ANKRD50: variants seen among roughly 807,000 people sequenced by gnomAD.
ANKRD50 encodes the protein ankyrin repeat domain 50.
Under a neutral mutation model 112.0 loss-of-function variants are expected in ANKRD50, and 40 were observed. The observed-to-expected ratio is 0.36, with a 90% CI of 0.28 to 0.46. ANKRD50 has a LOEUF of 0.46. Among genes scored for constraint, ANKRD50 ranks in the 20% least tolerant of loss-of-function variants. ANKRD50 has a pLI of 1.00. For missense variants in ANKRD50, 1,487 were observed against 1,701.7 expected (o/e 0.87, Z 2.22); for synonymous variants, 613 against 619.1 (o/e 0.99, Z 0.15).
Position 124,671,349 on chromosome 4 carries a change from T to C in ANKRD50, c.1928A>G (p.Asp643Gly). ...AGVKVDCADA[D>G]SRTALRAAAW... ...TGCTGCTCTCAAAGCTGTTCGGCTA[T>C]CAGCATCTGCACAATCCACTTTTAC... Residue 643 changes from aspartate to glycine, a missense_variant, in exon 4 of 5, where the codon GAT (aspartate) becomes GGT (glycine). By Grantham distance (94) the Asp-to-Gly change is moderately conservative (BLOSUM62 -1). Transcript: ENST00000504087. 1.9e-6 allele frequency: 3 copies of C among 1,613,860 alleles called. No homozygotes were observed. The highest frequency in any genetic ancestry group is 1.1e-5 in the South Asian group (1 of 91,082).
In ANKRD50 at chr4:124,666,337, G is replaced by A. The variant is rs1334695453; in HGVS notation, c.*1181C>T. The stretch of plus-strand genomic sequence containing the variant: ...AAGAAGAAAACAGGAAAGAGTATGA[G>A]GATAGAAAAGTGCAAATCCATCACT... On this transcript the variant is annotated 3_prime_UTR_variant, in exon 5 of 5. Transcript: ENST00000504087. The A allele has an allele frequency of 6.6e-6, 1 of 152,354 alleles. No individual in the cohort carries two copies. Among genetic ancestry groups the A allele is most frequent in the Non-Finnish European group, 1.5e-5 (1 of 67,906 alleles). 9.4% of individuals were successfully genotyped at this position (152,354 alleles called of 1,614,324 possible).
At position 124,666,537 on chromosome 4, in the gene ANKRD50, A is replaced by G. The variant is rs892324725; in HGVS notation, c.*981T>C. On this transcript the variant is annotated 3_prime_UTR_variant, in exon 5 of 5. Transcript: ENST00000504087. ...GTCATGCAGCAATTTACAAAATAGA[A>G]ACCGCTGAGAGAGAAGCCAGCAAAA... 1 of 152,358 alleles carries G rather than the reference A, an allele frequency of 6.6e-6. No homozygotes were observed. Among genetic ancestry groups the G allele is most frequent in the African/African-American group, 2.4e-5 (1 of 41,424 alleles). The allele number at this position is 152,358 out of a possible 1,614,324, so 9.4% of individuals were successfully genotyped here. A position where few individuals can be genotyped will look rare whatever the true frequency, so the allele number is the denominator to read the frequency against.
intron 2 of ANKRD50, among the ~76,000 whole-genome samples, chr4:124,698,020 T>A (rs929435000): frequency 9.2e-5 from 14 of 152,186 alleles, no homozygotes; most frequent in African/African-American, 3.1e-4. Context: ...CAGAATTTTT[T>A]GAAGCATTTG....
At chr4:124,680,032 C>T (rs1001678853) in intron 2 of ANKRD50, among the ~76,000 whole-genome samples, 4 of 152,262 alleles carry the variant, frequency 2.6e-5, no homozygotes, top group African/African-American at 2.4e-5. Context: ...ATGCACTTCC[C>T]GTCTCTCTTC....
Position 124,671,982 on chromosome 4 carries a change from C to G in ANKRD50, c.1295G>C (p.Gly432Ala). ...ATAACTCATAGCCAACATTCTGTGT[C>G]CTTCTGCTGCATTACATAAATACTT... ...TQKYLCNAAE[G>A]HRMLAMSYTC... The change falls in exon 4 of 5, where the codon GGA becomes GCA. Residue 432 changes from glycine to alanine, a missense_variant. By Grantham distance (60) the Gly-to-Ala change is moderately conservative. This residue lies in a region of ANKRD50 where 1,046 missense variants were observed against 1,269.5 expected (regional missense o/e 0.82). Transcript: ENST00000504087. 1 of 1,613,920 alleles carries G rather than the reference C, an allele frequency of 6.2e-7. No individual in the cohort carries two copies. The highest frequency in any genetic ancestry group is 8.5e-7 in the Non-Finnish European group (1 of 1,179,872).
chr4:124,695,057 C>T (rs996386748), intron 2 of ANKRD50, among the ~76,000 whole-genome samples: 2 of 151,904 alleles, frequency 1.3e-5, no homozygotes, highest in Non-Finnish European at 2.9e-5. Flanking sequence ...AACAAAGGTA[C>T]ATATCCAATA....
chr4:124,679,942 G>A (rs554219053), intron 2 of ANKRD50, among the ~76,000 whole-genome samples: 2 of 152,236 alleles, frequency 1.3e-5, no homozygotes, highest in East Asian at 3.9e-4. Context: ...TGTTATTCCA[G>A]CCAGACTAGC....
chr4:124,687,382 T>A (rs1725031880), intron 2 of ANKRD50, among the ~76,000 whole-genome samples: 1 of 152,048 alleles, frequency 6.6e-6, no homozygotes, highest in African/African-American at 2.4e-5. Flanking sequence ...CCCACAAAAA[T>A]TTACTCAACA....
At chr4:124,695,477 G>A (rs994937104) in intron 2 of ANKRD50, among the ~76,000 whole-genome samples, 2 of 152,252 alleles carry the variant, frequency 1.3e-5, no homozygotes, top group South Asian at 2.1e-4. Flanking sequence ...TCCTGAACAC[G>A]AGGCTGAATT....
intron 4 of ANKRD50, 43 bp downstream of exon 4, chr4:124,668,941 A>G (rs762821800): frequency 3.3e-6 from 5 of 1,497,270 alleles, no homozygotes; most frequent in Non-Finnish European, 4.5e-6. Flanking sequence ...AGTAGAGGGA[A>G]CTCTACTTTT....
In ANKRD50 at chr4:124,710,213, T is replaced by C; in HGVS notation, c.299A>G (p.Gln100Arg). The C allele has an allele frequency of 6.2e-7, 1 of 1,614,204 alleles. No individual in the cohort carries two copies. The highest frequency in any genetic ancestry group is 8.5e-7 in the Non-Finnish European group (1 of 1,180,036). Residue 100 changes from glutamine (Q) to arginine (R), a missense_variant, in exon 2 of 5, where the codon CAG becomes CGG. Gln to Arg is a conservative substitution (Grantham distance 43, BLOSUM62 1). This residue lies in a region of ANKRD50 where 1,046 missense variants were observed against 1,269.5 expected (regional missense o/e 0.82). Transcript: ENST00000504087. ...LLWPSSPASL[Q>R]RGLHRQALAF... is the part of the protein sequence containing the mutation. Reference sequence around the variant, plus strand: ...CAAAGCTTGGCGATGTAAACCTCTCTGCAAACTTGCAGGTGAACTTGGCCA... The same window carrying C: ...CAAAGCTTGGCGATGTAAACCTCTCCGCAAACTTGCAGGTGAACTTGGCCA...
rs150754365 is a variant in ANKRD50, at chr4:124,671,642, C to T, written c.1635G>A (p.Gly545=). Residue 545 remains glycine (G), a synonymous_variant, in exon 4 of 5, where the codon GGG becomes GGA. Coordinates refer to ENST00000504087, the MANE Select transcript of ANKRD50 (RefSeq NM_020337.3). ...GASVNQCDSN[G]RTLLANAAYS... ...ATGCAGCATTAGCCAATAATGTTCT[C>T]CCATTTGAATCACACTGATTTACTG... 1 of 1,613,816 alleles carries T rather than the reference C, an allele frequency of 6.2e-7. No homozygotes were observed. Among genetic ancestry groups the T allele is most frequent in the Non-Finnish European group, 8.5e-7 (1 of 1,179,848 alleles).
rs1489866018 is a variant in ANKRD50 at position 124,671,619 on chromosome 4, G to A, written c.1658C>T (p.Ala553Val). 2 of 1,613,836 alleles carry A rather than the reference G, an allele frequency of 1.2e-6. No individual in the cohort carries two copies. Among genetic ancestry groups the A allele is most frequent in the South Asian group, 2.2e-5 (2 of 91,084 alleles). The change falls in exon 4 of 5, where the codon GCA becomes GTA. Residue 553 changes from alanine (A) to valine (V), a missense_variant. Physicochemically the swap from Ala to Val is moderately conservative, Grantham distance 64. Coordinates refer to ENST00000504087, the MANE Select transcript of ANKRD50 (RefSeq NM_020337.3). The part of the protein sequence containing the change: ...SNGRTLLANA[A>V]YSGSLDVVNL... ...GACTACATCAAGACTGCCACTATAT[G>A]CAGCATTAGCCAATAATGTTCTCCC...
Position 124,665,966 on chromosome 4 carries a change from T to C in ANKRD50, c.*1552A>G, listed in dbSNP as rs911608049. ...AGATGACATTACTGACCTTTGTTAT[T>C]AGGACATATTCTAAAGATTTTGTTC... is the stretch of plus-strand genomic sequence containing the variant. On this transcript the variant is annotated 3_prime_UTR_variant, in exon 5 of 5. Transcript: ENST00000504087. 2.0e-5 allele frequency: 3 copies of C among 152,048 alleles called. No homozygotes were observed. Among genetic ancestry groups the C allele is most frequent in the African/African-American group, 7.2e-5 (3 of 41,446 alleles). 9.4% of individuals were successfully genotyped at this position (152,048 alleles called of 1,614,324 possible).
intron 2 of ANKRD50, among the ~76,000 whole-genome samples, chr4:124,708,114 C>T (rs1393283252): frequency 6.6e-6 from 1 of 152,048 alleles, no homozygotes. Context: ...AATTACTTAT[C>T]ACAAAGAAAT....
chr4:124,710,010 C>T lies in ANKRD50; in HGVS notation c.502G>A (p.Ala168Thr), dbSNP rs764057462. Residue 168 changes from alanine to threonine, a missense_variant, in exon 2 of 5, where the codon GCA becomes ACA. Physicochemically the swap from Ala to Thr is moderately conservative, Grantham distance 58. Transcript: ENST00000504087. ...CATTTTTATTGTTACCTTTTAAATG[C>T]TTCGGCTGGGTTTCTCTCGCACTCC... is the stretch of plus-strand genomic sequence containing the variant. ...PGECERNPAE[A>T]FKRCVLLPLL... 3.7e-6 allele frequency: 6 copies of T among 1,608,648 alleles called. No individual in the cohort carries two copies. In the South Asian group the frequency reaches 6.6e-5, roughly 18 times the overall value.
At chr4:124,668,676 T>C (rs774942919) in intron 4 of ANKRD50, among the ~76,000 whole-genome samples, 1 of 152,056 alleles carries the variant, frequency 6.6e-6, no homozygotes, top group Non-Finnish European at 1.5e-5. Context: ...TGAAATACAG[T>C]AGTGAACAGA....
rs145788403 is a variant in ANKRD50 at position 124,679,773 on chromosome 4, A to G, written c.513-868T>C. Among the ~76,000 whole-genome samples the G allele has an allele frequency of 3.1e-3, 476 of 152,286 alleles. 4 individuals are homozygous for G. Among genetic ancestry groups the G allele is most frequent in the African/African-American group, 9.6e-3 (400 of 41,572 alleles). On this transcript the variant is annotated intron_variant, in intron 2 of 4. Coordinates refer to ENST00000504087, the MANE Select transcript of ANKRD50 (RefSeq NM_020337.3). Reference sequence around the variant, plus strand: ...CTAATTTATCACCATGCAAGAATCAATATTTCTTTTTAAAAAATCTCAAAT... The same window carrying G: ...CTAATTTATCACCATGCAAGAATCAGTATTTCTTTTTAAAAAATCTCAAAT...
intron 2 of ANKRD50, 48 bp downstream of exon 2, chr4:124,709,952 T>G (rs1725590873): frequency 6.5e-7 from 1 of 1,549,274 alleles, no homozygotes; most frequent in Middle Eastern, 1.7e-4. Context: ...TAAAAATTAA[T>G]TTAATTTCAG....
Sources: gnomAD v4.1 joint callset for allele counts (sites outside exome capture counted in the v4.1 genomes callset) on GRCh38, gnomAD v4.1.1 for gene constraint, gnomAD v4.1.1 regional missense constraint, MANE v1.5 for transcripts, NCBI Gene and HGNC (gene_info 2026-07-23, HGNC 2026-07-21) for gene names.